The following RBFOX1 variants were observed in gnomAD, a reference collection of about 807,000 sequenced individuals.
The protein encoded by RBFOX1 is RNA binding fox-1 homolog 1.
In RBFOX1, 8 loss-of-function variants were observed where a neutral mutation model predicts 57.7. The observed-to-expected ratio is 0.14, with a 90% CI of 0.08 to 0.25. RBFOX1 has a LOEUF of 0.25. RBFOX1 is among the 10% of genes least tolerant of loss of function. RBFOX1 has a pLI of 1.00. For synonymous variants in RBFOX1, 326 were observed against 222.4 expected, an observed-to-expected ratio of 1.47 and a Z score of -4.15; for missense variants, 611 against 548.5, an observed-to-expected ratio of 1.11 and a Z score of -1.14.
intron 2 of RBFOX1, among the ~76,000 whole-genome samples, chr16:5,567,740 A>C (rs1028914467): frequency 9.2e-5 from 14 of 151,706 alleles, no homozygotes; most frequent in Non-Finnish European, 1.9e-4. Context: ...CACCATCAAC[A>C]TTGTCATTAC....
intron 2 of RBFOX1, among the ~76,000 whole-genome samples, chr16:6,445,191 C>A (rs1306939962): frequency 6.6e-6 from 1 of 152,060 alleles, no homozygotes; most frequent in Non-Finnish European, 1.5e-5. Context: ...AGAGAACAGA[C>A]TGCAGAAATA....
chr16:5,984,976 A>ATATATATATT (rs1359064334), intron 4 of RBFOX1, among the ~76,000 whole-genome samples: 2 of 55,706 alleles, frequency 3.6e-5, no homozygotes, highest in African/African-American at 1.7e-4. Context: ...ATATATATAT[A>ATATATATATT]TTTTTTTTTT....
intron 2 of RBFOX1, among the ~76,000 whole-genome samples, chr16:6,352,135 A>C (rs542880515): frequency 6.6e-6 from 1 of 152,300 alleles, no homozygotes; most frequent in African/African-American, 2.4e-5. Flanking sequence ...ACTTTATATA[A>C]TAAAAAGCAA....
At chr16:7,629,763 G>C (rs1354397781) in intron 10 of RBFOX1, among the ~76,000 whole-genome samples, 1 of 152,212 alleles carries the variant, frequency 6.6e-6, no homozygotes, top group African/African-American at 2.4e-5. Flanking sequence ...CACCTTGCAA[G>C]GATGAACCCA....
intron 4 of RBFOX1, among the ~76,000 whole-genome samples, chr16:7,485,240 A>G (rs879483849): frequency 6.6e-6 from 1 of 152,176 alleles, no homozygotes; most frequent in African/African-American, 2.4e-5. Context: ...CTGTTTATGC[A>G]TGCACACACA....
intron 3 of RBFOX1, among the ~76,000 whole-genome samples, chr16:5,733,192 G>C (rs1021748485): frequency 1.3e-5 from 2 of 152,140 alleles, no homozygotes; most frequent in Non-Finnish European, 2.9e-5. Context: ...TCACCAACTA[G>C]GAAATTAGAA....
chr16:7,131,245 C>G (rs1419169618), intron 4 of RBFOX1, among the ~76,000 whole-genome samples: 1 of 150,534 alleles, frequency 6.6e-6, no homozygotes, highest in Non-Finnish European at 1.5e-5. Flanking sequence ...ACTCTGGAGG[C>G]TGAGGCAGGA....
At chr16:6,571,683 C>G (rs2097346816) in intron 2 of RBFOX1, among the ~76,000 whole-genome samples, 1 of 152,022 alleles carries the variant, frequency 6.6e-6, no homozygotes, top group African/African-American at 2.4e-5. Context: ...CTCCTGAGAT[C>G]CATTGAATAG....
chr16:6,379,116 G>T (rs2091518689), intron 2 of RBFOX1, among the ~76,000 whole-genome samples: 1 of 152,092 alleles, frequency 6.6e-6, no homozygotes, highest in Admixed American at 6.5e-5. Context: ...GTGGATGGGG[G>T]TGACTTGCCG....
rs1430428022 is a variant in RBFOX1 at position 7,118,655 on chromosome 16, A to C, written c.27+66557A>C. On this transcript the variant is annotated intron_variant, in intron 4 of 15. Transcript: ENST00000550418. ...ACCTCTGTCATATTCCATTGGTTAG[A>C]AACAAGTTGTGGGTCCTGCTCACAT... 2.6e-5 allele frequency among the ~76,000 whole-genome samples: 4 copies of C among 152,158 alleles called. No individual in the cohort carries two copies. In the East Asian group the frequency reaches 7.7e-4, roughly 29 times the overall value.
intron 3 of RBFOX1, among the ~76,000 whole-genome samples, chr16:6,817,373 T>A (rs1391133123): frequency 1.3e-5 from 2 of 152,018 alleles, no homozygotes; most frequent in Non-Finnish European, 2.9e-5. Context: ...TTCTTTAGTG[T>A]CTCATGGTAG....
At chr16:6,197,499 A>G (rs774892046) in intron 1 of RBFOX1, among the ~76,000 whole-genome samples, 12 of 152,022 alleles carry the variant, frequency 7.9e-5, no homozygotes, top group Non-Finnish European at 1.3e-4. Context: ...AGCACAATTA[A>G]TGGTTAATTC....
chr16:6,170,478 C>A (rs183740009), intron 1 of RBFOX1, among the ~76,000 whole-genome samples: 1 of 151,984 alleles, frequency 6.6e-6, no homozygotes, highest in South Asian at 2.1e-4. Flanking sequence ...CATTGTTATG[C>A]GTAATAAGTG....
At chr16:7,691,882 C>T (rs886489359) in intron 14 of RBFOX1, among the ~76,000 whole-genome samples, 2 of 152,142 alleles carry the variant, frequency 1.3e-5, no homozygotes, top group Admixed American at 1.3e-4. Context: ...TGTCGCCATT[C>T]TTGCTTACGG....
At chr16:7,004,989 C>G (rs548790760) in intron 3 of RBFOX1, among the ~76,000 whole-genome samples, 3 of 152,168 alleles carry the variant, frequency 2.0e-5, no homozygotes, top group African/African-American at 7.2e-5. Flanking sequence ...ACCAAAAATA[C>G]AAAAATTAGC....
At chr16:5,904,044 C>T (rs1373802533) in intron 4 of RBFOX1, among the ~76,000 whole-genome samples, 2 of 152,258 alleles carry the variant, frequency 1.3e-5, no homozygotes, top group African/African-American at 2.4e-5. Context: ...CCATGTGCGT[C>T]TGGAGCTTCC....
chr16:5,796,827 T>C (rs2054895266), intron 3 of RBFOX1, among the ~76,000 whole-genome samples: 1 of 152,236 alleles, frequency 6.6e-6, no homozygotes, highest in Non-Finnish European at 1.5e-5. Context: ...ATTTCCCCCT[T>C]GTTTCCAGGT....
At chr16:6,946,473 C>T (rs1041541165) in intron 3 of RBFOX1, among the ~76,000 whole-genome samples, 1 of 152,206 alleles carries the variant, frequency 6.6e-6, no homozygotes, top group South Asian at 2.1e-4. Context: ...TGGTAATGGG[C>T]TTTCTGCATA....
chr16:6,622,374 A>G (rs921823980), intron 2 of RBFOX1, among the ~76,000 whole-genome samples: 25 of 152,120 alleles, frequency 1.6e-4, no homozygotes, highest in African/African-American at 6.0e-4. Flanking sequence ...ATAGATTTAG[A>G]TACGTAGTAC....
Sources: gnomAD v4.1 joint callset for allele counts (sites outside exome capture counted in the v4.1 genomes callset) on GRCh38, gnomAD v4.1.1 for gene constraint, MANE v1.5 for transcripts, NCBI Gene and HGNC (gene_info 2026-07-23, HGNC 2026-07-21) for gene names.